DNAL1: variants seen among roughly 807,000 people sequenced by gnomAD.
DNAL1 encodes the protein chromosome 14 open reading frame 168.
A neutral mutation model predicts 29.4 loss-of-function variants in DNAL1; 17 were observed. The observed-to-expected ratio is 0.58, with a 90% confidence interval of 0.40 to 0.87. The LOEUF is 0.87. Among genes scored for constraint, DNAL1 ranks in the 40% least tolerant of loss-of-function variants. The pLI is 0.00. For missense variants in DNAL1, 188 were observed against 214.1 expected, an observed-to-expected ratio of 0.88 and a Z score of 0.76; for synonymous variants, 78 against 76.3, an observed-to-expected ratio of 1.02 and a Z score of -0.12.
intron 5 of DNAL1, among the ~76,000 whole-genome samples, chr14:73,685,336 T>C (rs1477191086): frequency 6.6e-6 from 1 of 152,180 alleles, no homozygotes; most frequent in Non-Finnish European, 1.5e-5. Flanking sequence ...TTAACTACTC[T>C]AGGTATTTCA....
intron 7 of DNAL1, among the ~76,000 whole-genome samples, chr14:73,690,839 T>G (rs1892156941): frequency 6.6e-6 from 1 of 152,188 alleles, no homozygotes. Flanking sequence ...CAAATTTTGA[T>G]CAGAATCAAA....
chr14:73,654,442 T>C (rs1891166012), intron 1 of DNAL1, among the ~76,000 whole-genome samples: 1 of 152,160 alleles, frequency 6.6e-6, no homozygotes, highest in Admixed American at 6.6e-5. Context: ...GCTTGAAAAG[T>C]TAATCAACAA....
chr14:73,685,947 G>A (rs370607952), intron 5 of DNAL1, among the ~76,000 whole-genome samples: 5 of 152,026 alleles, frequency 3.3e-5, no homozygotes, highest in Admixed American at 2.0e-4. Flanking sequence ...TATGTGCCCC[G>A]AAGTGGAATG....
At chr14:73,694,507 G>T (rs370321912) in intron 7 of DNAL1, among the ~76,000 whole-genome samples, 1 of 151,006 alleles carries the variant, frequency 6.6e-6, no homozygotes, top group Non-Finnish European at 1.5e-5. Context: ...CGTTGGCCCA[G>T]TGAGAGCCAG....
chr14:73,697,574 C>G lies in DNAL1; in HGVS notation c.*1632C>G, dbSNP rs112327089. On this transcript the variant is annotated 3_prime_UTR_variant, in exon 8 of 8. Coordinates refer to ENST00000553645, the MANE Select transcript of DNAL1 (RefSeq NM_031427.4). ...CCTGACCAACATGGTGAAACCCCGT[C>G]TCTACTAAAAATACAAAAATTAGCC... 3 of 151,974 alleles carry G rather than the reference C, an allele frequency of 2.0e-5. No homozygotes were observed. Among genetic ancestry groups the G allele is most frequent in the South Asian group, 2.1e-4 (1 of 4,810 alleles). 9.4% of individuals were successfully genotyped at this position (151,974 alleles called of 1,614,324 possible). A position where few individuals can be genotyped will look rare whatever the true frequency, so the allele number is the denominator to read the frequency against.
At chr14:73,657,976 C>T (rs536939776) in intron 2 of DNAL1, among the ~76,000 whole-genome samples, 1 of 152,210 alleles carries the variant, frequency 6.6e-6, no homozygotes, top group Non-Finnish European at 1.5e-5. Flanking sequence ...AAAATCTTCT[C>T]CTAGACCAAT....
chr14:73,678,991 T>TTTTA (rs1038880843), intron 5 of DNAL1, among the ~76,000 whole-genome samples: 83 of 152,256 alleles, frequency 5.5e-4, no homozygotes, highest in African/African-American at 1.9e-3. Flanking sequence ...ACTTTTCTAT[T>TTTTA]TTTATTTATT....
At chr14:73,688,192 C>T (rs1477309794) in intron 6 of DNAL1, among the ~76,000 whole-genome samples, 1 of 152,090 alleles carries the variant, frequency 6.6e-6, no homozygotes, top group Admixed American at 6.6e-5. Context: ...ATAATTCATT[C>T]AGTTATATGC....
intron 1 of DNAL1, among the ~76,000 whole-genome samples, chr14:73,649,431 T>C (rs62004910): frequency 0.22 from 32,513 of 149,560 alleles, 4,810 homozygotes; most frequent in Non-Finnish European, 0.33. Flanking sequence ...TACAGGCGCC[T>C]GCCACCACGC....
Position 73,696,129 on chromosome 14 carries a change from A to G in DNAL1, c.*187A>G. 1 of 573,902 alleles carries G rather than the reference A, an allele frequency of 1.7e-6. No individual in the cohort carries two copies. The allele number at this position is 573,902 out of a possible 1,614,324, so 35.6% of individuals were successfully genotyped here. A position where few individuals can be genotyped will look rare whatever the true frequency, so the allele number is the denominator to read the frequency against. Reference sequence around the variant, plus strand: ...GTTTCTCCCCAAAACTGGTAATGCCAACCTTATATATCCTATTTCTCTTTT... The same window carrying G: ...GTTTCTCCCCAAAACTGGTAATGCCGACCTTATATATCCTATTTCTCTTTT... On this transcript the variant is annotated 3_prime_UTR_variant, in exon 8 of 8. Coordinates refer to ENST00000553645, the MANE Select transcript of DNAL1 (RefSeq NM_031427.4).
chr14:73,675,478 AT>A (rs1196792546), intron 5 of DNAL1, among the ~76,000 whole-genome samples: 16 of 149,206 alleles, frequency 1.1e-4, no homozygotes, highest in African/African-American at 2.2e-4. Flanking sequence ...TAAAAAAAAA[AT>A]TTTTTTTTTG....
chr14:73,648,135 G>A (rs1324276035), intron 1 of DNAL1, among the ~76,000 whole-genome samples: 4 of 151,472 alleles, frequency 2.6e-5, no homozygotes, highest in South Asian at 2.1e-4. Context: ...TCACCACCAC[G>A]CCCGGCTAAT....
intron 7 of DNAL1, among the ~76,000 whole-genome samples, chr14:73,691,145 A>T (rs1009229900): frequency 6.6e-6 from 1 of 152,254 alleles, no homozygotes; most frequent in African/African-American, 2.4e-5. Flanking sequence ...ATTTCAGAAC[A>T]TATATCAGAG....
intron 1 of DNAL1, among the ~76,000 whole-genome samples, chr14:73,649,636 C>G (rs1328683132): frequency 6.6e-6 from 1 of 152,170 alleles, no homozygotes; most frequent in Non-Finnish European, 1.5e-5. Context: ...GTTAGGCCCA[C>G]TTTGACCATT....
At chr14:73,683,333 A>G (rs1295583182) in intron 5 of DNAL1, among the ~76,000 whole-genome samples, 1 of 152,166 alleles carries the variant, frequency 6.6e-6, no homozygotes, top group Middle Eastern at 3.2e-3. Flanking sequence ...GTGGCTCAGT[A>G]GGTTTGTTTA....
At chr14:73,679,060 G>A (rs1304416629) in intron 5 of DNAL1, among the ~76,000 whole-genome samples, 1 of 152,062 alleles carries the variant, frequency 6.6e-6, no homozygotes, top group Non-Finnish European at 1.5e-5. Context: ...GCAGTGATTG[G>A]ATCTCGGCTC....
chr14:73,661,502 T>G (rs983680555), intron 3 of DNAL1, among the ~76,000 whole-genome samples: 1 of 152,222 alleles, frequency 6.6e-6, no homozygotes, highest in Non-Finnish European at 1.5e-5. Flanking sequence ...CCCAGCACTT[T>G]GGGAGGCCGA....
At chr14:73,681,855 G>A (rs1426623033) in intron 5 of DNAL1, among the ~76,000 whole-genome samples, 2 of 151,676 alleles carry the variant, frequency 1.3e-5, no homozygotes, top group Admixed American at 1.3e-4. Context: ...GCTCACGCCT[G>A]TAATCCCAGC....
At chr14:73,648,417 T>TATATATATATATATATATATATA (rs71112789) in intron 1 of DNAL1, among the ~76,000 whole-genome samples, 58 of 132,714 alleles carry the variant, frequency 4.4e-4, no homozygotes, top group South Asian at 7.3e-4. Flanking sequence ...TATATATATA[T>TATATATATATATATATATATATA]TTGTTGTTTG....
Sources: gnomAD v4.1 joint callset for allele counts (sites outside exome capture counted in the v4.1 genomes callset) on GRCh38, gnomAD v4.1.1 for gene constraint, MANE v1.5 for transcripts, NCBI Gene and HGNC (gene_info 2026-07-23, HGNC 2026-07-21) for gene names.